RBFOX1: variants seen among roughly 807,000 people sequenced by gnomAD.
The protein encoded by RBFOX1 is RNA binding protein fox-1 homolog 1.
RBFOX1 carries 8 observed loss-of-function variants against 57.7 expected under a neutral mutation model. That is an observed-to-expected ratio of 0.14 (90% confidence interval 0.08 to 0.25). The LOEUF (loss-of-function observed/expected upper bound fraction) is 0.25. Among genes scored for constraint, RBFOX1 ranks in the 10% least tolerant of loss-of-function variants. RBFOX1 has a pLI of 1.00. For synonymous variants in RBFOX1, 326 were observed against 222.4 expected, an observed-to-expected ratio of 1.47 and a Z score of -4.15; for missense variants, 611 against 548.5, an observed-to-expected ratio of 1.11 and a Z score of -1.14.
At chr16:5,508,363 G>A (rs372974086) in intron 2 of RBFOX1, among the ~76,000 whole-genome samples, 4 of 152,176 alleles carry the variant, frequency 2.6e-5, no homozygotes, top group South Asian at 2.1e-4. Flanking sequence ...ACTCCAATGC[G>A]GCCACTTGTT....
intron 4 of RBFOX1, among the ~76,000 whole-genome samples, chr16:7,194,489 C>A (rs558811299): frequency 1.7e-4 from 26 of 152,120 alleles, no homozygotes; most frequent in Non-Finnish European, 2.8e-4. Flanking sequence ...GAAAATCTAG[C>A]TCTTTGGGGC....
At chr16:6,826,133 C>G (rs1419187762) in intron 3 of RBFOX1, among the ~76,000 whole-genome samples, 1 of 152,100 alleles carries the variant, frequency 6.6e-6, no homozygotes, top group Non-Finnish European at 1.5e-5. Context: ...TCTCACTTCT[C>G]CCTACCCCAG....
At chr16:5,646,131 A>G (rs1323295098) in intron 3 of RBFOX1, among the ~76,000 whole-genome samples, 1 of 149,504 alleles carries the variant, frequency 6.7e-6, no homozygotes, top group East Asian at 2.0e-4. Flanking sequence ...CCGGGTTTAC[A>G]CTATTCTGCT....
intron 3 of RBFOX1, among the ~76,000 whole-genome samples, chr16:6,948,095 T>C (rs2079928077): frequency 6.6e-6 from 1 of 152,090 alleles, no homozygotes; most frequent in South Asian, 2.1e-4. Context: ...ATTCTCATTT[T>C]CTTCTGCGGT....
intron 6 of RBFOX1, among the ~76,000 whole-genome samples, chr16:7,580,145 C>T (rs1281776138): frequency 6.6e-6 from 1 of 152,158 alleles, no homozygotes; most frequent in East Asian, 1.9e-4. Flanking sequence ...AAGTGGCTTT[C>T]TTCTAAGAAG....
chr16:5,559,293 T>C (rs942189703), intron 2 of RBFOX1, among the ~76,000 whole-genome samples: 1 of 152,164 alleles, frequency 6.6e-6, no homozygotes. Flanking sequence ...TTGTATATTT[T>C]TTGATTTATA....
chr16:7,153,995 T>G (rs2076598232), intron 4 of RBFOX1, among the ~76,000 whole-genome samples: 1 of 152,180 alleles, frequency 6.6e-6, no homozygotes, highest in South Asian at 2.1e-4. Context: ...TGTGTGGATT[T>G]GATTCTCAAT....
intron 1 of RBFOX1, among the ~76,000 whole-genome samples, chr16:6,271,204 A>G (rs1220134703): frequency 2.6e-5 from 4 of 152,196 alleles, no homozygotes; most frequent in African/African-American, 9.6e-5. Context: ...TGGGCAGATC[A>G]CTAGAGGTCA....
At chr16:5,293,748 G>C (rs543074196) in intron 1 of RBFOX1, among the ~76,000 whole-genome samples, 1 of 151,938 alleles carries the variant, frequency 6.6e-6, no homozygotes, top group African/African-American at 2.4e-5. Flanking sequence ...CCAGGTGCTG[G>C]GGGAAAGGGG....
chr16:7,003,073 C>G (rs1466687190), intron 3 of RBFOX1, among the ~76,000 whole-genome samples: 2 of 151,460 alleles, frequency 1.3e-5, no homozygotes, highest in East Asian at 1.9e-4. Context: ...AGAGGTTATA[C>G]AATCAGGCCA....
intron 4 of RBFOX1, among the ~76,000 whole-genome samples, chr16:7,344,957 C>T (rs989499978): frequency 6.6e-5 from 10 of 152,204 alleles, no homozygotes; most frequent in African/African-American, 1.9e-4. Context: ...TGTCTCACAG[C>T]GGGCTGTCAG....
In RBFOX1 at chr16:5,268,051, C is replaced by A. The variant is rs185930906; in HGVS notation, c.219+27946C>A. On this transcript the variant is annotated intron_variant, in intron 1 of 2. Coordinates refer to the RBFOX1 transcript ENST00000585867. ...CTGAGATCACACCGCTGCATTCCAG[C>A]CTGGGAGACAGAGCGAGATTCCATG... 2.2e-4 allele frequency among the ~76,000 whole-genome samples: 33 copies of A among 152,012 alleles called. No homozygotes were observed. The East Asian group carries it at 5.0e-3, about 23-fold the overall frequency.
chr16:6,849,839 G>T (rs748529682), intron 3 of RBFOX1, among the ~76,000 whole-genome samples: 4 of 151,846 alleles, frequency 2.6e-5, no homozygotes, highest in Non-Finnish European at 5.9e-5. Context: ...TTCTTTGTCC[G>T]TTGTGCCTTA....
chr16:6,854,304 C>G (rs1050348709), intron 3 of RBFOX1, among the ~76,000 whole-genome samples: 1 of 152,008 alleles, frequency 6.6e-6, no homozygotes, highest in African/African-American at 2.4e-5. Context: ...ATCAATATGA[C>G]TGTATTAGGA....
chr16:6,373,020 G>A (rs2090676463), intron 2 of RBFOX1, among the ~76,000 whole-genome samples: 1 of 151,314 alleles, frequency 6.6e-6, no homozygotes, highest in South Asian at 2.1e-4. Flanking sequence ...GAGGATGGTT[G>A]GGTGGAATGG....
intron 1 of RBFOX1, among the ~76,000 whole-genome samples, chr16:6,242,517 C>A (rs997256964): frequency 6.6e-6 from 1 of 151,782 alleles, no homozygotes. Flanking sequence ...GTATGAGCTA[C>A]AGCGCCTGGC....
At chr16:5,573,479 G>T (rs1024364250) in intron 2 of RBFOX1, among the ~76,000 whole-genome samples, 1 of 152,214 alleles carries the variant, frequency 6.6e-6, no homozygotes, top group Admixed American at 6.5e-5. Context: ...CTGAGACATT[G>T]TATTGTAGTA....
chr16:6,878,835 A>G lies in RBFOX1; in HGVS notation c.-15-173222A>G, dbSNP rs374213192. Among the ~76,000 whole-genome samples, 16 of 151,750 alleles carry G rather than the reference A, an allele frequency of 1.1e-4. 3 individuals are homozygous for G. The highest frequency in any genetic ancestry group is 4.2e-4 in the South Asian group (2 of 4,804). Reference sequence around the variant, plus strand: ...ATAGAAAGGGGTTTTGGAAAAACCTATTTGAAGTTTTAAGGATCAGAGAGA... The same window carrying G: ...ATAGAAAGGGGTTTTGGAAAAACCTGTTTGAAGTTTTAAGGATCAGAGAGA... On this transcript the variant is annotated intron_variant, in intron 3 of 15. Coordinates refer to ENST00000550418, the MANE Select transcript of RBFOX1 (RefSeq NM_018723.4).
intron 2 of RBFOX1, among the ~76,000 whole-genome samples, chr16:6,458,315 G>A (rs1238179281): frequency 6.6e-6 from 1 of 151,976 alleles, no homozygotes; most frequent in African/African-American, 2.4e-5. Context: ...TTCTCAGTCT[G>A]GCTGTACTAT....
Sources: allele counts gnomAD v4.1 joint callset (sites outside exome capture counted in the v4.1 genomes callset), GRCh38; gene constraint gnomAD v4.1.1; transcripts MANE v1.5; gene names NCBI Gene and HGNC (gene_info 2026-07-23, HGNC 2026-07-21).